KLHL22: variants seen among roughly 807,000 people sequenced by gnomAD.
The protein encoded by KLHL22 is kelch-like protein 22.
A neutral mutation model predicts 60.7 loss-of-function variants in KLHL22; 18 were observed. That is an observed-to-expected ratio of 0.30 (90% confidence interval 0.20 to 0.44). KLHL22 has a LOEUF of 0.44. Ranked by LOEUF, KLHL22 falls within the 20% of genes least tolerant of loss-of-function variation. The pLI is 1.00. For synonymous variants in KLHL22, 355 were observed against 354.5 expected (o/e 1.00, Z -0.01); for missense variants, 596 against 852.3 (o/e 0.70, Z 3.74).
chr22:20,457,183 C>A (rs924176846), intron 5 of KLHL22, among the ~76,000 whole-genome samples: 1 of 152,082 alleles, frequency 6.6e-6, no homozygotes, highest in Non-Finnish European at 1.5e-5. Flanking sequence ...AAGAGAGGCA[C>A]CTCCCTAAAA....
At chr22:20,456,391 C>A (rs973340392) in intron 5 of KLHL22, 1 of 152,208 alleles carries the variant, frequency 6.6e-6, no homozygotes, top group African/African-American at 2.4e-5. Flanking sequence ...TGAAGGAACA[C>A]CGGCAGCCAC....
At chr22:20,463,418 A>T (rs1018724825) in intron 4 of KLHL22, among the ~76,000 whole-genome samples, 1 of 152,226 alleles carries the variant, frequency 6.6e-6, no homozygotes, top group Non-Finnish European at 1.5e-5. Context: ...GGCAGGCAGA[A>T]TCCCAAGCTG....
Position 20,489,046 on chromosome 22 carries a change from C to T in KLHL22, c.166G>A (p.Val56Met). 1.2e-6 allele frequency: 2 copies of T among 1,614,096 alleles called. No homozygotes were observed. The highest frequency in any genetic ancestry group is 8.5e-7 in the Non-Finnish European group (1 of 1,180,030). Residue 56 changes from valine to methionine, a missense_variant, in exon 2 of 7, where the codon GTG becomes ATG. Coordinates refer to ENST00000328879, the MANE Select transcript of KLHL22 (RefSeq NM_032775.4). ...TGGGCCTCGATGTGTCTGCCCTCCA[C>T]CACCAGCACAACATCGAAGAGGATT... is the stretch of plus-strand genomic sequence containing the variant. ...SGILFDVVLV[V>M]EGRHIEAHRI...
chr22:20,478,164 TTTA>T (rs945563408), intron 2 of KLHL22, among the ~76,000 whole-genome samples: 1 of 152,088 alleles, frequency 6.6e-6, no homozygotes, highest in African/African-American at 2.4e-5. Flanking sequence ...GTCACTCCTT[TTTA>T]TTGTTTTTCT....
chr22:20,488,887 G>T, intron 2 of KLHL22, 98 bp downstream of exon 2: 2 of 1,157,556 alleles, frequency 1.7e-6, no homozygotes, highest in Non-Finnish European at 2.5e-6. Context: ...AGGCTCTGAG[G>T]TGAGCAGGAG....
At chr22:20,483,897 T>A (rs2053545085) in intron 2 of KLHL22, 5 of 688,976 alleles carry the variant, frequency 7.3e-6, no homozygotes, top group Non-Finnish European at 7.9e-6. Context: ...TCCTGCCAGA[T>A]CCCCAGCCAT....
intron 5 of KLHL22, among the ~76,000 whole-genome samples, chr22:20,455,658 C>A (rs913719683): frequency 1.3e-5 from 2 of 152,212 alleles, no homozygotes; most frequent in African/African-American, 4.8e-5. Context: ...AACTTTCCAC[C>A]CCCGGGAGCC....
intron 4 of KLHL22, 139 bp downstream of exon 4, chr22:20,464,719 T>C: frequency 3.2e-6 from 2 of 616,212 alleles, no homozygotes; most frequent in Non-Finnish European, 5.7e-6. Flanking sequence ...CTTCTCTGAA[T>C]TCACCTAGAC....
chr22:20,469,130 G>T (rs191465070), intron 3 of KLHL22, among the ~76,000 whole-genome samples: 1 of 152,252 alleles, frequency 6.6e-6, no homozygotes, highest in African/African-American at 2.4e-5. Context: ...AAGATGATCT[G>T]GTTTCAGTGT....
intron 2 of KLHL22, among the ~76,000 whole-genome samples, chr22:20,486,933 G>T (rs930351340): frequency 1.3e-5 from 2 of 151,178 alleles, no homozygotes; most frequent in African/African-American, 4.9e-5. Flanking sequence ...CGCCCTCCTT[G>T]GCCTCCCGAA....
intron 3 of KLHL22, among the ~76,000 whole-genome samples, chr22:20,469,669 C>A (rs1347493169): frequency 1.3e-5 from 2 of 152,116 alleles, no homozygotes; most frequent in Non-Finnish European, 2.9e-5. Flanking sequence ...GCATCCAGGT[C>A]CTATCCACCA....
intron 2 of KLHL22, chr22:20,483,235 G>T: frequency 2.9e-6 from 2 of 687,178 alleles, no homozygotes; most frequent in African/African-American, 1.7e-5. Flanking sequence ...CATCTCAGCA[G>T]TTCCAACCTC....
intron 5 of KLHL22, among the ~76,000 whole-genome samples, chr22:20,452,369 C>T (rs1027044188): frequency 6.6e-6 from 1 of 151,838 alleles, no homozygotes; most frequent in Non-Finnish European, 1.5e-5. Context: ...ACTTTGGGGG[C>T]AAGGGAGAGA....
At chr22:20,473,488 G>A (rs2053360191) in intron 2 of KLHL22, among the ~76,000 whole-genome samples, 1 of 152,224 alleles carries the variant, frequency 6.6e-6, no homozygotes, top group South Asian at 2.1e-4. Flanking sequence ...GTTTAAATAT[G>A]ACAGCAACAT....
At chr22:20,449,585 G>C (rs1049550921) in intron 5 of KLHL22, among the ~76,000 whole-genome samples, 1 of 151,886 alleles carries the variant, frequency 6.6e-6, no homozygotes, top group Non-Finnish European at 1.5e-5. Flanking sequence ...AGTTTTAGTA[G>C]AGATGGGGTT....
chr22:20,449,371 C>T (rs2052936854), intron 5 of KLHL22, among the ~76,000 whole-genome samples: 1 of 150,044 alleles, frequency 6.7e-6, no homozygotes, highest in Non-Finnish European at 1.5e-5. Context: ...CTTTTGCCCT[C>T]TTTTTAATGG....
intron 1 of KLHL22, among the ~76,000 whole-genome samples, chr22:20,490,734 A>G (rs1295473895): frequency 1.3e-5 from 2 of 152,204 alleles, no homozygotes; most frequent in Non-Finnish European, 2.9e-5. Context: ...GACCCCTCAC[A>G]TGCATGGTTC....
chr22:20,451,245 C>T, intron 5 of KLHL22: 1 of 1,603,540 alleles, frequency 6.2e-7, no homozygotes, highest in Non-Finnish European at 8.5e-7. Flanking sequence ...GAGCCACCAC[C>T]CTGGGAGATT....
intron 5 of KLHL22, among the ~76,000 whole-genome samples, chr22:20,449,211 C>T (rs2146175715): frequency 6.6e-6 from 1 of 151,860 alleles, no homozygotes; most frequent in East Asian, 1.9e-4. Context: ...TAGACGTCCG[C>T]CACCACATCC....
Sources: allele counts gnomAD v4.1 joint callset (sites outside exome capture counted in the v4.1 genomes callset), GRCh38; gene constraint gnomAD v4.1.1; transcripts MANE v1.5; gene names NCBI Gene and HGNC (gene_info 2026-07-23, HGNC 2026-07-21).